Variants in MXD1 observed in about 807,000 individuals in gnomAD.
MXD1 encodes MAX dimerization protein 1.
A neutral mutation model predicts 25.7 loss-of-function variants in MXD1; 9 were observed. The observed-to-expected ratio is 0.35, with a 90% CI of 0.21 to 0.61. The LOEUF is 0.61. Among genes scored for constraint, MXD1 ranks in the 20% least tolerant of loss-of-function variants. MXD1 has a pLI of 0.75. For synonymous variants in MXD1, 99 were observed against 113.9 expected, an observed-to-expected ratio of 0.87 and a Z score of 0.83; for missense variants, 227 against 292.4, an observed-to-expected ratio of 0.78 and a Z score of 1.63.
chr2:69,928,458 C>G (rs1470064330), intron 3 of MXD1, among the ~76,000 whole-genome samples: 1 of 152,178 alleles, frequency 6.6e-6, no homozygotes, highest in Non-Finnish European at 1.5e-5. Context: ...TGATATCTAT[C>G]AGGGTTTGAA....
intron 3 of MXD1, among the ~76,000 whole-genome samples, chr2:69,934,581 C>T (rs1677374571): frequency 6.6e-6 from 1 of 152,178 alleles, no homozygotes; most frequent in South Asian, 2.1e-4. Flanking sequence ...TGTTCCTTGC[C>T]TTCTCCCTGC....
intron 3 of MXD1, among the ~76,000 whole-genome samples, chr2:69,925,084 T>C (rs1677144860): frequency 6.6e-6 from 1 of 152,180 alleles, no homozygotes; most frequent in Non-Finnish European, 1.5e-5. Context: ...TAGTAGGTGC[T>C]GGGACTACAG....
chr2:69,923,554 G>A (rs1251562655), intron 3 of MXD1, among the ~76,000 whole-genome samples: 3 of 150,684 alleles, frequency 2.0e-5, no homozygotes, highest in African/African-American at 7.4e-5. Context: ...GGAAGAGGGC[G>A]GTTAGCTTTA....
intron 3 of MXD1, among the ~76,000 whole-genome samples, chr2:69,929,371 C>A (rs544788352): frequency 2.0e-4 from 31 of 152,320 alleles, no homozygotes; most frequent in Middle Eastern, 3.4e-3. Context: ...CAGATAGCAC[C>A]ATCTACCTAA....
At chr2:69,937,069 G>C (rs111432228) in intron 4 of MXD1, 166 bp from the exon 5 acceptor site, 1 of 881,900 alleles carries the variant, frequency 1.1e-6, no homozygotes, top group Admixed American at 1.8e-5. Flanking sequence ...GAAGCCAGGA[G>C]TCACTGGCCA....
At chr2:69,936,270 C>T (rs937685820) in intron 4 of MXD1, among the ~76,000 whole-genome samples, 1 of 152,138 alleles carries the variant, frequency 6.6e-6, no homozygotes, top group Non-Finnish European at 1.5e-5. Flanking sequence ...CCTGTCATAA[C>T]TGACATTTGA....
chr2:69,921,601 C>T, intron 2 of MXD1, 135 bp from the exon 3 acceptor site: 1 of 608,382 alleles, frequency 1.6e-6, no homozygotes, highest in Non-Finnish European at 2.7e-6. Flanking sequence ...TTAGTAGAGC[C>T]CAGTGAATTT....
chr2:69,920,357 C>T (rs956173283), intron 2 of MXD1, among the ~76,000 whole-genome samples: 1 of 152,168 alleles, frequency 6.6e-6, no homozygotes, highest in Non-Finnish European at 1.5e-5. Flanking sequence ...ACCTAGAAAA[C>T]AAATATTCTA....
intron 3 of MXD1, among the ~76,000 whole-genome samples, chr2:69,929,556 G>A (rs564407666): frequency 6.6e-6 from 1 of 152,314 alleles, no homozygotes; most frequent in African/African-American, 2.4e-5. Flanking sequence ...GTAGGAGCTG[G>A]TGCCTCAAAC....
At chr2:69,929,566 C>T (rs1558570699) in intron 3 of MXD1, among the ~76,000 whole-genome samples, 1 of 152,242 alleles carries the variant, frequency 6.6e-6, no homozygotes, top group South Asian at 2.1e-4. Context: ...GTGCCTCAAA[C>T]AGCTTGGCAC....
intron 3 of MXD1, among the ~76,000 whole-genome samples, chr2:69,927,870 G>T (rs1015213044): frequency 1.1e-4 from 17 of 152,244 alleles, no homozygotes; most frequent in Non-Finnish European, 2.2e-4. Flanking sequence ...AAACCTTTTA[G>T]GGTTCCAATT....
rs1233095396 is a variant in MXD1, at chr2:69,941,877, C to A, written c.*3593C>A. On this transcript the variant is annotated 3_prime_UTR_variant, in exon 6 of 6. Transcript: ENST00000264444. ...GTATCTATATATACACACACACACA[C>A]ACACACACATATTATTATTTAGGTT... 6.6e-6 allele frequency: 1 copy of A among 152,150 alleles called. No homozygotes were observed. The highest frequency in any genetic ancestry group is 1.5e-5 in the Non-Finnish European group (1 of 68,038). The allele number at this position is 152,150 out of a possible 1,614,324, so 9.4% of individuals were successfully genotyped here.
intron 2 of MXD1, 61 bp downstream of exon 2, chr2:69,916,281 G>C (rs778844786): frequency 8.0e-6 from 8 of 993,986 alleles, no homozygotes; most frequent in Non-Finnish European, 1.3e-5. Flanking sequence ...ACAAACTGCT[G>C]AATGTAAGTT....
rs1677404863 is a variant in MXD1 at position 69,935,400 on chromosome 2, C to T, written c.253C>T (p.Leu85Phe). The T allele has an allele frequency of 1.2e-6, 2 of 1,614,132 alleles. No homozygotes were observed. Among genetic ancestry groups the T allele is most frequent in the Admixed American group, 3.3e-5 (2 of 60,016 alleles). The change falls in exon 4 of 6, where the codon CTT becomes TTT. Residue 85 changes from leucine (L) to phenylalanine (F), a missense_variant. Physicochemically the swap from Leu to Phe is conservative, Grantham distance 22. Coordinates refer to ENST00000264444, the MANE Select transcript of MXD1 (RefSeq NM_002357.4). ...GGAGAAGTTGAAGGGGCTGGTGCCA[C>T]TTGGACCCGAATCAAGTCGACACAC... ...CLEKLKGLVP[L>F]GPESSRHTTL... is the part of the protein sequence containing the mutation.
chr2:69,935,272 C>G, intron 3 of MXD1, 79 bp from the exon 4 acceptor site: 1 of 1,017,932 alleles, frequency 9.8e-7, no homozygotes. Flanking sequence ...ACTTCACACT[C>G]TTTGAGAACT....
intron 3 of MXD1, among the ~76,000 whole-genome samples, chr2:69,923,910 C>G (rs1184477804): frequency 6.6e-6 from 1 of 152,184 alleles, no homozygotes; most frequent in Non-Finnish European, 1.5e-5. Flanking sequence ...CCCTCTAATA[C>G]TTTAGTTTGG....
Position 69,915,134 on chromosome 2 carries a change from G to A in MXD1, c.-197G>A. 1 of 418,056 alleles carries A rather than the reference G, an allele frequency of 2.4e-6. No homozygotes were observed. The highest frequency in any genetic ancestry group is 4.1e-6 in the Non-Finnish European group (1 of 241,330). 25.9% of individuals were successfully genotyped at this position (418,056 alleles called of 1,614,324 possible). ...GCTCTGCTCCGGGTTCTGTCACTGT[G>A]TCGGCGGTGCCCAGCTCACTGGCCC... On this transcript the variant is annotated 5_prime_UTR_variant, in exon 1 of 6. Transcript: ENST00000264444. This position sits in a 1 kb window ranked among gnomAD's most constrained non-coding sequence, Gnocchi z 5.8.
chr2:69,938,410 T>C lies in MXD1; in HGVS notation c.*126T>C. ...GTGTCCCACCTTGACCAAAATCAGC[T>C]TTGTAACTGTTTTCAAGGAGGTGCT... is the stretch of plus-strand genomic sequence containing the variant. On this transcript the variant is annotated 3_prime_UTR_variant, in exon 6 of 6. Coordinates refer to ENST00000264444, the MANE Select transcript of MXD1 (RefSeq NM_002357.4). 1.1e-6 allele frequency: 1 copy of C among 929,818 alleles called. No individual in the cohort carries two copies. Among genetic ancestry groups the C allele is most frequent in the East Asian group, 2.6e-5 (1 of 38,598 alleles). 57.6% of individuals were successfully genotyped at this position (929,818 alleles called of 1,614,324 possible).
At chr2:69,931,351 G>C (rs1427077677) in intron 3 of MXD1, among the ~76,000 whole-genome samples, 11 of 151,728 alleles carry the variant, frequency 7.2e-5, no homozygotes, top group Admixed American at 7.2e-4. Flanking sequence ...CCAGCCTCTG[G>C]TAACCCTCCT....
Sources: allele counts gnomAD v4.1 joint callset (sites outside exome capture counted in the v4.1 genomes callset), GRCh38; gene constraint gnomAD v4.1.1; non-coding constraint Gnocchi (gnomAD v3.1); transcripts MANE v1.5; gene names NCBI Gene and HGNC (gene_info 2026-07-23, HGNC 2026-07-21).